Variants in GYS2 observed in about 807,000 individuals in gnomAD.
GYS2 encodes the protein glycogen [starch] synthase, liver.
Under a neutral mutation model 85.6 loss-of-function variants are expected in GYS2, and 80 were observed. The ratio of observed to expected loss-of-function variants is 0.93; its 90% CI spans 0.78 to 1.13. The LOEUF is 1.13. GYS2 is among the 50% of genes most tolerant of loss of function. GYS2 has a pLI of 0.00. For synonymous variants in GYS2, 328 were observed against 300.7 expected, an observed-to-expected ratio of 1.09 and a Z score of -0.94; for missense variants, 881 against 854.9, an observed-to-expected ratio of 1.03 and a Z score of -0.38.
intron 10 of GYS2, 25 bp downstream of exon 10, chr12:21,559,066 T>G (rs769482856): frequency 7.7e-7 from 1 of 1,297,116 alleles, no homozygotes; most frequent in Admixed American, 1.7e-5. Context: ...CTATGGGACA[T>G]AGTGGGTGCT....
chr12:21,541,347 T>C (rs1943974451), intron 13 of GYS2, among the ~76,000 whole-genome samples: 1 of 150,088 alleles, frequency 6.7e-6, no homozygotes, highest in Non-Finnish European at 1.5e-5. Flanking sequence ...CATTTTAACT[T>C]TTCTTGCTGC....
intron 1 of GYS2, among the ~76,000 whole-genome samples, chr12:21,585,879 T>C (rs528728009): frequency 6.6e-6 from 1 of 152,206 alleles, no homozygotes; most frequent in Non-Finnish European, 1.5e-5. Context: ...TGGGGATTGG[T>C]GCATTTTCAA....
intron 1 of GYS2, among the ~76,000 whole-genome samples, chr12:21,600,790 T>C (rs1383737288): frequency 6.6e-6 from 1 of 152,168 alleles, no homozygotes; most frequent in Non-Finnish European, 1.5e-5. Flanking sequence ...TTAGAACTCC[T>C]GTCCTAGAAG....
rs1038064867 is a variant in GYS2 at position 21,546,618 on chromosome 12, A to T, written c.1423-148T>A. Reference sequence around the variant, plus strand: ...AAAAAAGAGATAAGACAAAAGAAAAAGAAAAAAGCCGTGGTGGTTTGTTCT... The same window carrying T: ...AAAAAAGAGATAAGACAAAAGAAAATGAAAAAAGCCGTGGTGGTTTGTTCT... On this transcript the variant is annotated intron_variant, in intron 11 of 15. Coordinates refer to ENST00000261195, the MANE Select transcript of GYS2 (RefSeq NM_021957.4). The T allele has an allele frequency of 4.2e-5, 25 of 594,900 alleles. No homozygotes were observed. The African/African-American group carries it at 4.7e-4, about 11-fold the overall frequency. The allele number at this position is 594,900 out of a possible 1,614,324, so 36.9% of individuals were successfully genotyped here.
chr12:21,567,027 G>A (rs1401494406), intron 5 of GYS2, among the ~76,000 whole-genome samples: 1 of 152,150 alleles, frequency 6.6e-6, no homozygotes, highest in African/African-American at 2.4e-5. Context: ...AGAATGTGCA[G>A]TGTCATGAAA....
intron 1 of GYS2, among the ~76,000 whole-genome samples, chr12:21,602,630 C>T (rs187551157): frequency 8.0e-4 from 122 of 151,980 alleles, no homozygotes; most frequent in African/African-American, 2.8e-3. Flanking sequence ...TTCCCTTCCC[C>T]TTGAAAGGGA....
chr12:21,532,972 T>C (rs1434510910), downstream of GYS2: 1 of 152,218 alleles, frequency 6.6e-6, no homozygotes, highest in Non-Finnish European at 1.5e-5. Flanking sequence ...CCAACTCTCT[T>C]ATGGTGTCTA....
chr12:21,584,887 A>G (rs936999222), intron 1 of GYS2, among the ~76,000 whole-genome samples: 3 of 152,202 alleles, frequency 2.0e-5, no homozygotes, highest in African/African-American at 7.2e-5. Context: ...AAGAAGTGTG[A>G]CAGTGGGCTC....
intron 1 of GYS2, among the ~76,000 whole-genome samples, chr12:21,593,802 G>A (rs1408271117): frequency 1.3e-5 from 2 of 151,964 alleles, no homozygotes; most frequent in South Asian, 2.1e-4. Context: ...AGACAAGGAT[G>A]CAAGTAAAAA....
chr12:21,561,070 C>A (rs1025267960), intron 7 of GYS2, among the ~76,000 whole-genome samples: 1 of 152,110 alleles, frequency 6.6e-6, no homozygotes, highest in African/African-American at 2.4e-5. Flanking sequence ...AGCAAAGAAA[C>A]AAGCACATGA....
chr12:21,586,000 G>A (rs1393315143), intron 1 of GYS2, among the ~76,000 whole-genome samples: 1 of 152,142 alleles, frequency 6.6e-6, no homozygotes, highest in Non-Finnish European at 1.5e-5. Context: ...GTTGACAAGC[G>A]ATGGACTTGT....
Position 21,604,805 on chromosome 12 carries a change from C to T in GYS2, c.-213G>A. ...ATTCTTCCTCCTCTTTCTCGTCTTTCTGGGCAGGTATTGTGAGGACGGTAT... is the reference window on the plus strand; with the variant it reads ...ATTCTTCCTCCTCTTTCTCGTCTTTTTGGGCAGGTATTGTGAGGACGGTAT... On this transcript the variant is annotated 5_prime_UTR_variant, in exon 1 of 16. Coordinates refer to ENST00000261195, the MANE Select transcript of GYS2 (RefSeq NM_021957.4). 7.5e-7 allele frequency: 1 copy of T among 1,338,852 alleles called. No individual in the cohort carries two copies. The highest frequency in any genetic ancestry group is 9.6e-7 in the Non-Finnish European group (1 of 1,036,346). 82.9% of individuals were successfully genotyped at this position (1,338,852 alleles called of 1,614,324 possible). A position where few individuals can be genotyped will look rare whatever the true frequency, so the allele number is the denominator to read the frequency against.
Position 21,604,798 on chromosome 12 carries a change from C to G in GYS2, c.-206G>C. 7.4e-7 allele frequency: 1 copy of G among 1,349,968 alleles called. No homozygotes were observed. Among genetic ancestry groups the G allele is most frequent in the Non-Finnish European group, 9.6e-7 (1 of 1,042,904 alleles). The allele number at this position is 1,349,968 out of a possible 1,614,324, so 83.6% of individuals were successfully genotyped here. A position where few individuals can be genotyped will look rare whatever the true frequency, so the allele number is the denominator to read the frequency against. ...AGGAGGAATTCTTCCTCCTCTTTCT[C>G]GTCTTTCTGGGCAGGTATTGTGAGG... On this transcript the variant is annotated 5_prime_UTR_variant, in exon 1 of 16. Coordinates refer to ENST00000261195, the MANE Select transcript of GYS2 (RefSeq NM_021957.4).
intron 2 of GYS2, among the ~76,000 whole-genome samples, chr12:21,579,029 G>C (rs1036786203): frequency 5.3e-5 from 8 of 152,058 alleles, no homozygotes; most frequent in African/African-American, 1.4e-4. Context: ...CCACTGAAAT[G>C]AGATTTAACC....
intron 4 of GYS2, among the ~76,000 whole-genome samples, chr12:21,573,215 T>C (rs1944405991): frequency 6.6e-6 from 1 of 152,252 alleles, no homozygotes; most frequent in Non-Finnish European, 1.5e-5. Context: ...TGGCATTATT[T>C]GAGTATTATT....
rs554881012 is a variant in GYS2 at position 21,580,427 on chromosome 12, T to C, written c.218A>G (p.Asn73Ser). The change falls in exon 2 of 16, where the codon AAT becomes AGT. Residue 73 changes from asparagine (N) to serine (S), a missense_variant. Physicochemically the swap from Asn to Ser is conservative, Grantham distance 46. Coordinates refer to ENST00000261195, the MANE Select transcript of GYS2 (RefSeq NM_021957.4). ...ACACTGTTCCACCTGAGTCTTCATA[T>C]TATGCTCAAAATATGGACCTATCAG... ...YFLIGPYFEH[N>S]MKTQVEQCEP... 1.2e-5 allele frequency: 20 copies of C among 1,613,626 alleles called. No homozygotes were observed. In the South Asian group the frequency reaches 1.8e-4, roughly 14 times the overall value.
Position 21,536,961 on chromosome 12 carries a change from T to C in GYS2, c.2105A>G (p.Lys702Arg). ...ATGCAGCACATGTAGAATTCAGTTC[T>C]TATATTCACCATGCAGCTTTTTCTT... ...HGKKKLHGEY[K>R]N Residue 702 changes from lysine to arginine, a missense_variant, in exon 16 of 16, where the codon AAG becomes AGG. Lys to Arg is a conservative substitution (Grantham distance 26). Transcript: ENST00000261195. The C allele has an allele frequency of 6.2e-7, 1 of 1,608,280 alleles. No individual in the cohort carries two copies. Among genetic ancestry groups the C allele is most frequent in the Non-Finnish European group, 8.5e-7 (1 of 1,174,712 alleles).
chr12:21,577,719 G>A (rs1944462392), intron 2 of GYS2, among the ~76,000 whole-genome samples: 2 of 152,054 alleles, frequency 1.3e-5, no homozygotes, highest in Non-Finnish European at 2.9e-5. Flanking sequence ...TACCCACACA[G>A]CATCTCAAGT....
At chr12:21,590,918 A>G (rs1944631683) in intron 1 of GYS2, among the ~76,000 whole-genome samples, 1 of 152,232 alleles carries the variant, frequency 6.6e-6, no homozygotes, top group African/African-American at 2.4e-5. Context: ...ATGCTGCTGT[A>G]TGCACCTAGA....
Sources: gnomAD v4.1 joint callset for allele counts (sites outside exome capture counted in the v4.1 genomes callset) on GRCh38, gnomAD v4.1.1 for gene constraint, MANE v1.5 for transcripts, NCBI Gene and HGNC (gene_info 2026-07-23, HGNC 2026-07-21) for gene names.